GPR157: variants seen among roughly 807,000 people sequenced by gnomAD.
GPR157 encodes G protein-coupled receptor 157.
Under a neutral mutation model 23.5 loss-of-function variants are expected in GPR157, and 16 were observed. That is an observed-to-expected ratio of 0.68 (90% CI 0.46 to 1.04). GPR157 has a LOEUF of 1.04. Among genes scored for constraint, GPR157 ranks in the 50% least tolerant of loss-of-function variants. The probability of loss-of-function intolerance (pLI) is 0.00; values close to 1 mark genes in which losing one functional copy is unlikely to be tolerated. For synonymous variants in GPR157, 200 were observed against 221.5 expected, an observed-to-expected ratio of 0.90 and a Z score of 0.86; for missense variants, 440 against 460.7, an observed-to-expected ratio of 0.96 and a Z score of 0.41.
rs1391033813 is a variant in GPR157, at chr1:9,123,249, A to AAT, written c.383+5394_383+5395dup. 1.4e-4 allele frequency among the ~76,000 whole-genome samples: 4 copies of AAT among 27,644 alleles called. No individual in the cohort carries two copies. The East Asian group carries it at 1.5e-3, about 10-fold the overall frequency. 18.1% of individuals were successfully genotyped at this position (27,644 alleles called of 152,430 possible). ...ATATATTTAAATATATATTAATTTAAATATATATTTAAATATATATATTTA... is the reference window on the plus strand; with the variant it reads ...ATATATTTAAATATATATTAATTTAAATATATATATTTAAATATATATATTTA... On this transcript the variant is annotated intron_variant, in intron 1 of 3. Transcript: ENST00000377411.
At chr1:9,106,590 C>A (rs796832855) in intron 2 of GPR157, among the ~76,000 whole-genome samples, 26 of 152,340 alleles carry the variant, frequency 1.7e-4, no homozygotes, top group African/African-American at 6.0e-4. Context: ...CCGTCTCCAT[C>A]TGTCCCCAGG....
At chr1:9,111,706 G>A (rs1159136465) in intron 1 of GPR157, among the ~76,000 whole-genome samples, 1 of 152,216 alleles carries the variant, frequency 6.6e-6, no homozygotes, top group African/African-American at 2.4e-5. Context: ...ATGGAGTGAC[G>A]TGGGACAGCC....
At chr1:9,112,475 C>T (rs779286380) in intron 1 of GPR157, among the ~76,000 whole-genome samples, 16 of 152,118 alleles carry the variant, frequency 1.1e-4, no homozygotes, top group South Asian at 2.1e-4. Context: ...TTTTTTGAGA[C>T]GGAGTCTCGC....
In GPR157 at chr1:9,113,203, G is replaced by A. The variant is rs144835458; in HGVS notation, c.384-1714C>T. 6.6e-5 allele frequency among the ~76,000 whole-genome samples: 10 copies of A among 152,256 alleles called. No individual in the cohort carries two copies. The East Asian group carries it at 1.5e-3, about 24-fold the overall frequency. On this transcript the variant is annotated intron_variant, in intron 1 of 3. Transcript: ENST00000377411. ...CCTGTGGTGCAGACACTGGTGCTGC[G>A]TGGGGCCCGTCTGGTTTCTGTCCTG... is the stretch of plus-strand genomic sequence containing the variant.
At position 9,105,798 on chromosome 1, in the gene GPR157, TG is replaced by T; in HGVS notation, c.598-119del. ...AGCTCAGGGAGGTAGGGGAGATGTGTGGTGGAGCCCGGATCCTTCTCCTGAA... is the reference window on the plus strand; with the variant it reads ...AGCTCAGGGAGGTAGGGGAGATGTGTGTGGAGCCCGGATCCTTCTCCTGAA... On this transcript the variant is annotated intron_variant, in intron 2 of 3. Transcript: ENST00000377411. This position sits in a 1 kb window ranked among gnomAD's most constrained non-coding sequence, Gnocchi z 4.8. 1.2e-6 allele frequency: 1 copy of T among 807,140 alleles called. No individual in the cohort carries two copies. The highest frequency in any genetic ancestry group is 1.9e-6 in the Non-Finnish European group (1 of 513,578). 50.0% of individuals were successfully genotyped at this position (807,140 alleles called of 1,614,324 possible). A position where few individuals can be genotyped will look rare whatever the true frequency, so the allele number is the denominator to read the frequency against.
In GPR157 at chr1:9,128,950, C is replaced by G; in HGVS notation, c.78G>C (p.Ala26=). 6.7e-7 allele frequency: 1 copy of G among 1,503,306 alleles called. No homozygotes were observed. The highest frequency in any genetic ancestry group is 8.9e-7 in the Non-Finnish European group (1 of 1,128,086). 93.1% of individuals were successfully genotyped at this position (1,503,306 alleles called of 1,614,324 possible). ...AVVLLSCALS[A]LGSGLLVATH... ...TGGCCACCAGCAGGCCCGAGCCGAG[C>G]GCGGAGAGTGCGCACGACAGCAGCA... Residue 26 remains alanine, a synonymous_variant, in exon 1 of 4, where the codon GCG becomes GCC. Transcript: ENST00000377411. This position sits in a 1 kb window ranked among gnomAD's most constrained non-coding sequence, Gnocchi z 6.3.
At position 9,111,413 on chromosome 1, in the gene GPR157, C is replaced by T; in HGVS notation, c.460G>A (p.Val154Met). 3 of 1,614,232 alleles carry T rather than the reference C, an allele frequency of 1.9e-6. No individual in the cohort carries two copies. The highest frequency in any genetic ancestry group is 2.5e-6 in the Non-Finnish European group (3 of 1,180,046). ...TCCAGGTCGATCCAGCACCAGCCCA[C>T]AGACACGTCCGAGGCGTCATAGCCA... ...KIGYDASDVS[V>M]GWCWIDLEAK... Residue 154 changes from valine to methionine, a missense_variant, in exon 2 of 4, where the codon GTG becomes ATG. Coordinates refer to ENST00000377411, the MANE Select transcript of GPR157 (RefSeq NM_024980.5).
chr1:9,119,135 C>A (rs1443480196), intron 1 of GPR157, among the ~76,000 whole-genome samples: 3 of 151,110 alleles, frequency 2.0e-5, no homozygotes, highest in African/African-American at 7.3e-5. Context: ...CAGGTTCAAG[C>A]GATTCTTCTG....
Position 9,128,440 on chromosome 1 carries a change from C to T in GPR157, c.383+205G>A, listed in dbSNP as rs1374423467. 5.8e-6 allele frequency: 4 copies of T among 685,974 alleles called. No individual in the cohort carries two copies. The highest frequency in any genetic ancestry group is 7.9e-6 in the Non-Finnish European group (3 of 377,932). The allele number at this position is 685,974 out of a possible 1,614,324, so 42.5% of individuals were successfully genotyped here. ...CCAAGGGGCTGTGCCCTGGGGCAGGCACAGCGGGGCTCCTTCGGGAGGGAG... is the reference window on the plus strand; with the variant it reads ...CCAAGGGGCTGTGCCCTGGGGCAGGTACAGCGGGGCTCCTTCGGGAGGGAG... On this transcript the variant is annotated intron_variant, in intron 1 of 3. Transcript: ENST00000377411. This position sits in a 1 kb window ranked among gnomAD's most constrained non-coding sequence, Gnocchi z 6.3.
intron 1 of GPR157, among the ~76,000 whole-genome samples, chr1:9,117,457 C>T (rs1003119342): frequency 2.0e-5 from 3 of 152,172 alleles, no homozygotes; most frequent in East Asian, 3.9e-4. Flanking sequence ...TCTAGAAATG[C>T]GTATTGCAGT....
chr1:9,124,820 T>G (rs1299306042), intron 1 of GPR157, among the ~76,000 whole-genome samples: 1 of 152,226 alleles, frequency 6.6e-6, no homozygotes, highest in Admixed American at 6.5e-5. Context: ...ACACACTATA[T>G]TGTAAATTCT....
Position 9,105,743 on chromosome 1 carries a change from G to C in GPR157, c.598-63C>G, listed in dbSNP as rs372858200. 3.5e-6 allele frequency: 5 copies of C among 1,434,626 alleles called. No individual in the cohort carries two copies. The East Asian group carries it at 7.1e-5, about 20-fold the overall frequency. 88.9% of individuals were successfully genotyped at this position (1,434,626 alleles called of 1,614,324 possible). On this transcript the variant is annotated intron_variant, in intron 2 of 3. Coordinates refer to ENST00000377411, the MANE Select transcript of GPR157 (RefSeq NM_024980.5). The surrounding 1 kb of genome is among the most constrained non-coding windows in gnomAD (Gnocchi z 4.8). ...GCACCCTCCCGCCACGTCCACCCAG[G>C]CTGCCCAGGTCTTCCCAGGGACTTG...
At chr1:9,111,538 G>T (rs972292185) in intron 1 of GPR157, 49 bp from the exon 2 acceptor site, 3 of 1,500,024 alleles carry the variant, frequency 2.0e-6, no homozygotes, top group Non-Finnish European at 2.8e-6. Context: ...CATGGCTCCC[G>T]GCAATGTCAG....
At position 9,129,095 on chromosome 1, in the gene GPR157, C is replaced by T; in HGVS notation, c.-68G>A. On this transcript the variant is annotated 5_prime_UTR_variant, in exon 1 of 4. Coordinates refer to ENST00000377411, the MANE Select transcript of GPR157 (RefSeq NM_024980.5). ...CGGGCCGCGCGTGCGGCCACGCCGC[C>T]GCCGTCTGGGCACCGAGGCGCCCTA... The T allele has an allele frequency of 8.4e-7, 1 of 1,197,094 alleles. No homozygotes were observed. The highest frequency in any genetic ancestry group is 1.0e-6 in the Non-Finnish European group (1 of 966,716). 74.2% of individuals were successfully genotyped at this position (1,197,094 alleles called of 1,614,324 possible).
In GPR157 at chr1:9,101,192, C is replaced by CA. The variant is rs1372256729; in HGVS notation, c.*3226dup. On this transcript the variant is annotated 3_prime_UTR_variant, in exon 4 of 4. Coordinates refer to ENST00000377411, the MANE Select transcript of GPR157 (RefSeq NM_024980.5). ...CCTCCTGAGTAGCTGGCACTACAGG[C>CA]ACACGAAACCACATCCAACTATTTT... The CA allele has an allele frequency of 6.7e-6, 1 of 149,866 alleles. No homozygotes were observed. Among genetic ancestry groups the CA allele is most frequent in the Non-Finnish European group, 1.5e-5 (1 of 67,778 alleles). 9.3% of individuals were successfully genotyped at this position (149,866 alleles called of 1,614,324 possible). A position where few individuals can be genotyped will look rare whatever the true frequency, so the allele number is the denominator to read the frequency against.
chr1:9,123,471 AAT>A lies in GPR157; in HGVS notation c.383+5172_383+5173del, dbSNP rs1297973831. On this transcript the variant is annotated intron_variant, in intron 1 of 3. Coordinates refer to ENST00000377411, the MANE Select transcript of GPR157 (RefSeq NM_024980.5). ...CATATTAAAATATATATTTAATTTAAATATATATTTTAAAAATATATAAATTA... is the reference window on the plus strand; with the variant it reads ...CATATTAAAATATATATTTAATTTAAATATATTTTAAAAATATATAAATTA... 5.1e-5 allele frequency among the ~76,000 whole-genome samples: 6 copies of A among 118,036 alleles called. No individual in the cohort carries two copies. The East Asian group carries it at 1.4e-3, about 28-fold the overall frequency. The allele number at this position is 118,036 out of a possible 152,430, so 77.4% of individuals were successfully genotyped here.
Position 9,122,938 on chromosome 1 carries a change from C to G in GPR157, c.383+5707G>C, listed in dbSNP as rs528608274. Among the ~76,000 whole-genome samples the G allele has an allele frequency of 4.6e-5, 7 of 151,870 alleles. No homozygotes were observed. In the South Asian group the frequency reaches 1.2e-3, roughly 27 times the overall value. On this transcript the variant is annotated intron_variant, in intron 1 of 3. Transcript: ENST00000377411. ...TTGGGAGGCTGAGGTGGGTGGATCA[C>G]TTGAGGTCAGGAGTTTGAGATCAGC...
At position 9,128,504 on chromosome 1, in the gene GPR157, G is replaced by T; in HGVS notation, c.383+141C>A. The T allele has an allele frequency of 1.2e-6, 1 of 814,422 alleles. No individual in the cohort carries two copies. Among genetic ancestry groups the T allele is most frequent in the Non-Finnish European group, 2.0e-6 (1 of 499,438 alleles). The allele number at this position is 814,422 out of a possible 1,614,324, so 50.4% of individuals were successfully genotyped here. A position where few individuals can be genotyped will look rare whatever the true frequency, so the allele number is the denominator to read the frequency against. On this transcript the variant is annotated intron_variant, in intron 1 of 3. Transcript: ENST00000377411. The surrounding 1 kb of genome is among the most constrained non-coding windows in gnomAD (Gnocchi z 6.3). ...AGGCTGGCCTCCTCCCGCTGGCCCA[G>T]GACAGCCTCGGGGGCGCCAGCAGGC...
chr1:9,111,461 C>T lies in GPR157; in HGVS notation c.412G>A (p.Ala138Thr), dbSNP rs1638494236. ...CCAATCTTCTTCAGGGCGACGGCTG[C>T]CACAGTGATGACCAACGGGACCCCC... ...SWGVPLVITV[A>T]AVALKKIGYD... The change falls in exon 2 of 4, where the codon GCA becomes ACA. Residue 138 changes from alanine (A) to threonine (T), a missense_variant. Coordinates refer to ENST00000377411, the MANE Select transcript of GPR157 (RefSeq NM_024980.5). The T allele has an allele frequency of 1.2e-6, 2 of 1,614,010 alleles. No homozygotes were observed. The highest frequency in any genetic ancestry group is 8.5e-7 in the Non-Finnish European group (1 of 1,179,976).
Sources: allele counts gnomAD v4.1 joint callset (sites outside exome capture counted in the v4.1 genomes callset), GRCh38; gene constraint gnomAD v4.1.1; non-coding constraint Gnocchi (gnomAD v3.1); transcripts MANE v1.5; gene names NCBI Gene and HGNC (gene_info 2026-07-23, HGNC 2026-07-21).